The following BTG4 variants were observed in gnomAD, a reference collection of about 807,000 sequenced individuals.
BTG4 encodes BTG anti-proliferation factor 4, also known as protein BTG4.
Under a neutral mutation model 19.3 loss-of-function variants are expected in BTG4, and 10 were observed. The ratio of observed to expected loss-of-function variants is 0.52; its 90% CI spans 0.32 to 0.88. BTG4 has a LOEUF of 0.88. Among genes scored for constraint, BTG4 ranks in the 40% least tolerant of loss-of-function variants. The pLI is 0.04. For missense variants in BTG4, 238 were observed against 281.9 expected (o/e 0.84, Z 1.11); for synonymous variants, 91 against 95.7 (o/e 0.95, Z 0.29).
the BTG4 span, chr11:111,385,456 A>G: frequency 6.6e-6 from 1 of 152,118 alleles, no homozygotes; most frequent in Non-Finnish European, 1.5e-5. Context: ...AAATAAGGTC[A>G]ATATAAGAAA....
intron 3 of BTG4, 135 bp from the exon 4 acceptor site, chr11:111,497,544 A>G (rs1865811475): frequency 2.0e-6 from 1 of 500,168 alleles, no homozygotes; most frequent in Admixed American, 3.9e-5. Flanking sequence ...TATGACCTTC[A>G]CCTACTACAC....
At chr11:111,511,573 G>A (rs966418990) in intron 1 of BTG4, among the ~76,000 whole-genome samples, 8 of 152,156 alleles carry the variant, frequency 5.3e-5, no homozygotes, top group Non-Finnish European at 1.2e-4. Context: ...TATTTCTAGG[G>A]GAGGCTGCTT....
chr11:111,434,221 T>C, the BTG4 span, among the ~76,000 whole-genome samples: 1 of 152,034 alleles, frequency 6.6e-6, no homozygotes, highest in Admixed American at 6.6e-5. Flanking sequence ...TATGCAGCCA[T>C]AAAAAAAGGA....
the BTG4 span, among the ~76,000 whole-genome samples, chr11:111,441,736 G>A: frequency 1.3e-5 from 2 of 152,174 alleles, no homozygotes; most frequent in Non-Finnish European, 2.9e-5. Flanking sequence ...GACGGGCAGG[G>A]GACAGAAGCA....
the BTG4 span, chr11:111,457,279 A>G: frequency 2.6e-5 from 4 of 152,620 alleles, no homozygotes; most frequent in Non-Finnish European, 5.9e-5. Flanking sequence ...CACTCTTGGG[A>G]GGACATACTG....
the BTG4 span, among the ~76,000 whole-genome samples, chr11:111,391,059 T>C: frequency 6.6e-6 from 1 of 152,216 alleles, no homozygotes; most frequent in African/African-American, 2.4e-5. Flanking sequence ...AAAACAGTAA[T>C]AGAGTATGTG....
the BTG4 span, among the ~76,000 whole-genome samples, chr11:111,400,379 A>C: frequency 2.0e-5 from 3 of 152,178 alleles, no homozygotes; most frequent in African/African-American, 7.2e-5. Flanking sequence ...AATAACAAGA[A>C]CTTTAGAACC....
In BTG4 at chr11:111,495,022, C is replaced by T; in HGVS notation, c.*113G>A. 7.4e-7 allele frequency: 1 copy of T among 1,356,668 alleles called. No individual in the cohort carries two copies. Among genetic ancestry groups the T allele is most frequent in the South Asian group, 2.2e-5 (1 of 45,050 alleles). 84.0% of individuals were successfully genotyped at this position (1,356,668 alleles called of 1,614,324 possible). A position where few individuals can be genotyped will look rare whatever the true frequency, so the allele number is the denominator to read the frequency against. ...GATTTACCATTGTGTACCCTAGTCCCTAATATGGTCATTTTTTGTTTCATG... is the reference window on the plus strand; with the variant it reads ...GATTTACCATTGTGTACCCTAGTCCTTAATATGGTCATTTTTTGTTTCATG... On this transcript the variant is annotated 3_prime_UTR_variant, in exon 5 of 5. Transcript: ENST00000692032.
chr11:111,459,328 A>C, the BTG4 span, among the ~76,000 whole-genome samples: 3 of 152,156 alleles, frequency 2.0e-5, no homozygotes, highest in South Asian at 2.1e-4. Context: ...TCAGATTCTG[A>C]GGAATGGCAG....
the BTG4 span, among the ~76,000 whole-genome samples, chr11:111,431,665 T>C: frequency 6.6e-6 from 1 of 152,200 alleles, no homozygotes; most frequent in Admixed American, 6.5e-5. Context: ...AGAGGAGGGA[T>C]GGAGGACAAC....
downstream of BTG4, among the ~76,000 whole-genome samples, chr11:111,493,112 C>T (rs1242533796): frequency 1.3e-5 from 2 of 152,184 alleles, no homozygotes; most frequent in Non-Finnish European, 2.9e-5. Context: ...CGCCACTGCA[C>T]TCCAGCCTGG....
At chr11:111,496,955 T>A (rs1329370701) in intron 4 of BTG4, 2 of 390,782 alleles carry the variant, frequency 5.1e-6, no homozygotes, top group East Asian at 7.2e-5. Context: ...AGGAAACCTG[T>A]GTATCTTCAA....
the BTG4 span, among the ~76,000 whole-genome samples, chr11:111,425,117 G>A: frequency 8.5e-5 from 13 of 152,104 alleles, no homozygotes; most frequent in African/African-American, 2.4e-5. Context: ...GGGAAAATGG[G>A]TAGGTGTGGA....
the BTG4 span, among the ~76,000 whole-genome samples, chr11:111,427,640 G>GA: frequency 6.6e-6 from 1 of 152,108 alleles, no homozygotes; most frequent in Non-Finnish European, 1.5e-5. Context: ...TAATAAAGAT[G>GA]AAAAACATGT....
At chr11:111,427,989 T>C in the BTG4 span, among the ~76,000 whole-genome samples, 148,898 of 152,240 alleles carry the variant, frequency 0.98, 72,917 homozygotes, top group East Asian at 1. Flanking sequence ...GCATTCTCCC[T>C]TCCTGCTTGC....
chr11:111,467,815 C>T (rs958584022), intron 5 of BTG4: 1 of 548,690 alleles, frequency 1.8e-6, no homozygotes, highest in Non-Finnish European at 3.2e-6. Flanking sequence ...AGTGTAAGAG[C>T]TTTCTCTAAT....
chr11:111,419,102 C>A, the BTG4 span, among the ~76,000 whole-genome samples: 1 of 152,198 alleles, frequency 6.6e-6, no homozygotes, highest in African/African-American at 2.4e-5. Flanking sequence ...ACTCATATGA[C>A]CTCATTTTAC....
the BTG4 span, among the ~76,000 whole-genome samples, chr11:111,424,819 G>A: frequency 4.6e-5 from 7 of 152,144 alleles, no homozygotes; most frequent in African/African-American, 7.2e-5. Context: ...TTAGCCAGGC[G>A]TGGTGGCAGG....
the BTG4 span, chr11:111,416,507 G>C: frequency 6.6e-6 from 1 of 152,092 alleles, no homozygotes; most frequent in African/African-American, 2.4e-5. Flanking sequence ...AACGCCGTTA[G>C]TCACATCATG....
Sources: gnomAD v4.1 joint callset for allele counts (sites outside exome capture counted in the v4.1 genomes callset) on GRCh38, gnomAD v4.1.1 for gene constraint, MANE v1.5 for transcripts, NCBI Gene and HGNC (gene_info 2026-07-23, HGNC 2026-07-21) for gene names.